MTBP: variants seen among roughly 807,000 people sequenced by gnomAD.
MTBP encodes the protein mdm2-binding protein.
A neutral mutation model predicts 117.0 loss-of-function variants in MTBP; 101 were observed. The ratio of observed to expected loss-of-function variants is 0.86; its 90% CI spans 0.73 to 1.02. MTBP has a LOEUF of 1.02. Among genes scored for constraint, MTBP ranks in the 50% least tolerant of loss-of-function variants. MTBP has a pLI of 0.00. For missense variants in MTBP, 970 were observed against 1,030.9 expected, an observed-to-expected ratio of 0.94 and a Z score of 0.81; for synonymous variants, 350 against 351.5, an observed-to-expected ratio of 1.00 and a Z score of 0.05.
intron 15 of MTBP, among the ~76,000 whole-genome samples, chr8:120,506,406 C>A (rs968758048): frequency 3.3e-5 from 5 of 152,078 alleles, no homozygotes; most frequent in Non-Finnish European, 7.4e-5. Flanking sequence ...AATAGGCCAT[C>A]ATTAATAGAT....
At chr8:120,463,141 TAAAAC>T (rs1439705823) in intron 9 of MTBP, among the ~76,000 whole-genome samples, 5 of 152,128 alleles carry the variant, frequency 3.3e-5, no homozygotes, top group African/African-American at 1.2e-4. Context: ...CTGTGGAAAA[TAAAAC>T]AAGTAATTTA....
chr8:120,457,781 G>A (rs1281421685), intron 7 of MTBP, among the ~76,000 whole-genome samples: 2 of 151,794 alleles, frequency 1.3e-5, no homozygotes, highest in Admixed American at 6.6e-5. Flanking sequence ...AAAATTAGCC[G>A]GGCGTGGTGG....
chr8:120,518,833 T>G lies in MTBP; in HGVS notation c.2610+16T>G. On this transcript the variant is annotated intron_variant, in intron 20 of 21. Transcript: ENST00000305949. ...CTATCTAAAGGTACGGTATCTTCTC[T>G]ACTAATGGCAAAATTTAGTTCATGT... is the stretch of plus-strand genomic sequence containing the variant. 2 of 1,538,666 alleles carry G rather than the reference T, an allele frequency of 1.3e-6. No individual in the cohort carries two copies. Among genetic ancestry groups the G allele is most frequent in the Non-Finnish European group, 1.8e-6 (2 of 1,127,250 alleles).
rs369863168 is a variant in MTBP at position 120,456,648 on chromosome 8, A to G, written c.725A>G (p.Lys242Arg). The G allele has an allele frequency of 2.1e-5, 33 of 1,582,554 alleles. No homozygotes were observed. Among genetic ancestry groups the G allele is most frequent in the Non-Finnish European group, 2.7e-5 (31 of 1,156,712 alleles). ...VIDSKELWRGKIQIWERKFGF... is the reference protein window; with the variant it reads ...VIDSKELWRGRIQIWERKFGF... ...GACTCAAAGGAATTATGGAGGGGGAAAATACAGATATGGGAAAGAAAGGTA... is the reference window on the plus strand; with the variant it reads ...GACTCAAAGGAATTATGGAGGGGGAGAATACAGATATGGGAAAGAAAGGTA... Residue 242 changes from lysine to arginine, a missense_variant, in exon 7 of 22, where the codon AAA (lysine) becomes AGA (arginine). Physicochemically the swap from Lys to Arg is conservative, Grantham distance 26. Transcript: ENST00000305949.
intron 10 of MTBP, among the ~76,000 whole-genome samples, chr8:120,466,789 A>G (rs1194747417): frequency 1.3e-5 from 2 of 152,030 alleles, no homozygotes; most frequent in Admixed American, 1.3e-4. Context: ...CAGGAGAATC[A>G]CTTGTACCCA....
At chr8:120,476,346 A>G (rs1813938652) in intron 11 of MTBP, among the ~76,000 whole-genome samples, 1 of 152,148 alleles carries the variant, frequency 6.6e-6, no homozygotes, top group African/African-American at 2.4e-5. Flanking sequence ...AAACTGGCAC[A>G]AGACAAAGAT....
chr8:120,483,910 G>A (rs979868840), intron 11 of MTBP, among the ~76,000 whole-genome samples: 6 of 151,832 alleles, frequency 4.0e-5, no homozygotes, highest in Admixed American at 1.3e-4. Flanking sequence ...GAATAACTAC[G>A]CTAATTGTAA....
At chr8:120,504,793 T>G (rs1814658391) in intron 15 of MTBP, among the ~76,000 whole-genome samples, 1 of 151,998 alleles carries the variant, frequency 6.6e-6, no homozygotes, top group Non-Finnish European at 1.5e-5. Flanking sequence ...GATTTTTTTC[T>G]TAATATTCTA....
intron 11 of MTBP, chr8:120,472,888 TGTTA>T (rs1053247869): frequency 1.3e-5 from 2 of 152,198 alleles, no homozygotes; most frequent in Non-Finnish European, 2.9e-5. Context: ...GAATGTAGAA[TGTTA>T]GTTAGGAATG....
At chr8:120,454,014 T>C (rs1586937946) in intron 5 of MTBP, 109 bp downstream of exon 5, 6 of 582,254 alleles carry the variant, frequency 1.0e-5, no homozygotes, top group African/African-American at 3.9e-5. Flanking sequence ...ATCTTTAAAT[T>C]AAAAAATGCA....
chr8:120,472,826 A>C (rs1313808989), intron 11 of MTBP: 3 of 152,240 alleles, frequency 2.0e-5, no homozygotes, highest in East Asian at 1.9e-4. Flanking sequence ...AAAGGTGTGA[A>C]TAATAGGAAG....
At chr8:120,471,222 C>T (rs1343596963) in intron 11 of MTBP, 1 of 222,478 alleles carries the variant, frequency 4.5e-6, no homozygotes, top group African/African-American at 2.3e-5. Flanking sequence ...TTTCAGGAAT[C>T]AAATTTGTGA....
In MTBP at chr8:120,516,124, C is replaced by T. The variant is rs750460049; in HGVS notation, c.2179C>T (p.Leu727Phe). Residue 727 changes from leucine to phenylalanine, a missense_variant, in exon 18 of 22, where the codon CTT (leucine) becomes TTT (phenylalanine). Leu to Phe is a conservative substitution (Grantham distance 22). Transcript: ENST00000305949. ...TGACGGAGAAGTTTTACAAAATGAA[C>T]TTCGAACTGAAGTATCCCGATTGAA... ...VPDGEVLQNE[L>F]RTEVSRLKRR... 1 of 1,612,786 alleles carries T rather than the reference C, an allele frequency of 6.2e-7. No individual in the cohort carries two copies. Among genetic ancestry groups the T allele is most frequent in the South Asian group, 1.1e-5 (1 of 91,022 alleles).
chr8:120,458,344 G>T (rs903697594), intron 7 of MTBP, among the ~76,000 whole-genome samples: 1 of 152,142 alleles, frequency 6.6e-6, no homozygotes, highest in African/African-American at 2.4e-5. Flanking sequence ...GATGATAATA[G>T]TTCCTATCGC....
At chr8:120,502,097 G>C (rs1814598430) in intron 14 of MTBP, among the ~76,000 whole-genome samples, 1 of 152,054 alleles carries the variant, frequency 6.6e-6, no homozygotes, top group African/African-American at 2.4e-5. Context: ...GTCTATTTGT[G>C]CTAATTCCTA....
chr8:120,488,386 T>C, intron 12 of MTBP, 54 bp downstream of exon 12: 1 of 1,355,278 alleles, frequency 7.4e-7, no homozygotes. Flanking sequence ...TGTGTGTGGT[T>C]AGCATATGTG....
chr8:120,509,919 A>G lies in MTBP; in HGVS notation c.1884-15A>G. ...AAATAAACTTTGAATACAAATGAAA[A>G]ATTTTTTGTTTCAGGGAAAAGACTT... On this transcript the variant is annotated splice_polypyrimidine_tract_variant and intron_variant, in intron 16 of 21. Coordinates refer to ENST00000305949, the MANE Select transcript of MTBP (RefSeq NM_022045.5). The G allele has an allele frequency of 1.3e-6, 2 of 1,585,044 alleles. No homozygotes were observed. The highest frequency in any genetic ancestry group is 1.7e-6 in the Non-Finnish European group (2 of 1,162,226).
intron 6 of MTBP, among the ~76,000 whole-genome samples, chr8:120,456,207 A>T (rs1443186856): frequency 7.9e-5 from 12 of 152,154 alleles, no homozygotes; most frequent in Admixed American, 7.9e-4. Flanking sequence ...GATGTATGGG[A>T]ACAATATAGG....
At chr8:120,523,025 T>C (rs1408093964) in intron 21 of MTBP, among the ~76,000 whole-genome samples, 1 of 152,156 alleles carries the variant, frequency 6.6e-6, no homozygotes, top group South Asian at 2.1e-4. Context: ...GTTTATTTGA[T>C]TGACCATTTG....
Sources: allele counts gnomAD v4.1 joint callset (sites outside exome capture counted in the v4.1 genomes callset), GRCh38; gene constraint gnomAD v4.1.1; transcripts MANE v1.5; gene names NCBI Gene and HGNC (gene_info 2026-07-23, HGNC 2026-07-21).